The following POMT2 variants were observed in gnomAD, a reference collection of about 807,000 sequenced individuals.
The protein encoded by POMT2 is protein O-mannosyltransferase 2, also known as protein O-mannosyl-transferase 2.
In POMT2, 75 loss-of-function variants were observed where a neutral mutation model predicts 100.0. That is an observed-to-expected ratio of 0.75 (90% CI 0.62 to 0.91). POMT2 has a LOEUF of 0.91. POMT2 is among the 40% of genes least tolerant of loss of function. The pLI is 0.00. For synonymous variants in POMT2, 378 were observed against 374.1 expected (o/e 1.01, Z -0.12); for missense variants, 940 against 955.1 (o/e 0.98, Z 0.21).
Position 77,279,809 on chromosome 14 carries a change from C to A in POMT2, c.1891+14G>T. 1 of 1,610,422 alleles carries A rather than the reference C, an allele frequency of 6.2e-7. No homozygotes were observed. The highest frequency in any genetic ancestry group is 8.5e-7 in the Non-Finnish European group (1 of 1,178,892). On this transcript the variant is annotated intron_variant, in intron 18 of 20. Transcript: ENST00000261534. ...GCCGCCAGGTCAGGGGAGGGAGAGCCCAGAGGACCTGACCTGCAACCTCCG... is the reference window on the plus strand; with the variant it reads ...GCCGCCAGGTCAGGGGAGGGAGAGCACAGAGGACCTGACCTGCAACCTCCG...
In POMT2 at chr14:77,302,966, T is replaced by TG. The variant is rs779299765; in HGVS notation, c.548-24dup. ...TGTCTGAAAAACATGAGCTCGCTGG[T>TG]GAAAAAGCGAGGTAAGAGAAGGGCC... is the stretch of plus-strand genomic sequence containing the variant. On this transcript the variant is annotated intron_variant, in intron 4 of 20. Transcript: ENST00000261534. 3 of 1,578,012 alleles carry TG rather than the reference T, an allele frequency of 1.9e-6. No individual in the cohort carries two copies. In the African/African-American group the frequency reaches 4.1e-5, roughly 21 times the overall value.
At chr14:77,318,949 T>C (rs1891725169) in intron 1 of POMT2, among the ~76,000 whole-genome samples, 1 of 152,168 alleles carries the variant, frequency 6.6e-6, no homozygotes, top group Admixed American at 6.5e-5. Flanking sequence ...TTGGCCAGGT[T>C]GGTCTCGAAC....
intron 1 of POMT2, chr14:77,312,618 C>A (rs1160988017): frequency 6.6e-6 from 1 of 151,706 alleles, no homozygotes; most frequent in Non-Finnish European, 1.5e-5. Flanking sequence ...CGCCACTGCA[C>A]TCCAGCCTAG....
chr14:77,292,973 C>A (rs369241234), intron 9 of POMT2, among the ~76,000 whole-genome samples: 5 of 152,088 alleles, frequency 3.3e-5, no homozygotes, highest in African/African-American at 1.2e-4. Flanking sequence ...GGTATCCCCC[C>A]GATGCATGAC....
chr14:77,314,024 T>C (rs1362708498), intron 1 of POMT2, among the ~76,000 whole-genome samples: 1 of 152,190 alleles, frequency 6.6e-6, no homozygotes, highest in Non-Finnish European at 1.5e-5. Flanking sequence ...TCCAGATTTT[T>C]ACTTCAAAAG....
intron 1 of POMT2, 76 bp from the exon 2 acceptor site, chr14:77,312,109 T>G (rs1891457453): frequency 5.1e-6 from 8 of 1,569,140 alleles, no homozygotes; most frequent in Non-Finnish European, 6.9e-6. Flanking sequence ...AAAGCATGGT[T>G]AAAATTAAAG....
At chr14:77,318,855 C>T (rs2139541699) in intron 1 of POMT2, among the ~76,000 whole-genome samples, 1 of 151,966 alleles carries the variant, frequency 6.6e-6, no homozygotes, top group Admixed American at 6.6e-5. Flanking sequence ...CCCACCTCAG[C>T]CTCCCGAGTA....
At chr14:77,280,530 C>T in intron 15 of POMT2, 67 bp from the exon 16 acceptor site, 1 of 1,610,952 alleles carries the variant, frequency 6.2e-7, no homozygotes, top group Non-Finnish European at 8.5e-7. Flanking sequence ...AATGTGGGGC[C>T]CAGGTTTTTC....
intron 17 of POMT2, 36 bp from the exon 18 acceptor site, chr14:77,279,964 G>C: frequency 6.2e-7 from 1 of 1,614,160 alleles, no homozygotes; most frequent in Non-Finnish European, 8.5e-7. Context: ...TGAGAACGCA[G>C]CCGCTCTCCA....
At chr14:77,295,123 T>C (rs754574083) in intron 9 of POMT2, among the ~76,000 whole-genome samples, 2 of 152,180 alleles carry the variant, frequency 1.3e-5, no homozygotes, top group Non-Finnish European at 2.9e-5. Flanking sequence ...CTCCCCAATA[T>C]GGCCCCACCA....
chr14:77,301,802 A>C (rs1891054647), intron 5 of POMT2, among the ~76,000 whole-genome samples: 2 of 152,200 alleles, frequency 1.3e-5, no homozygotes, highest in South Asian at 4.1e-4. Context: ...TACAGCTAGC[A>C]GGCAGTGGGG....
intron 2 of POMT2, chr14:77,306,663 C>A: frequency 2.1e-6 from 1 of 470,890 alleles, no homozygotes; most frequent in Non-Finnish European, 3.9e-6. Flanking sequence ...TGTATTATGG[C>A]CGAGGTCTAG....
chr14:77,298,259 G>A (rs553812686), intron 8 of POMT2, among the ~76,000 whole-genome samples: 6 of 152,208 alleles, frequency 3.9e-5, no homozygotes, highest in East Asian at 1.9e-4. Flanking sequence ...CGTACTTAAC[G>A]CTTCCAGCCA....
At chr14:77,296,940 C>G (rs949399839) in intron 8 of POMT2, among the ~76,000 whole-genome samples, 1 of 152,218 alleles carries the variant, frequency 6.6e-6, no homozygotes, top group Non-Finnish European at 1.5e-5. Context: ...GGAGGCCTGC[C>G]TGTGGCCCTG....
intron 1 of POMT2, chr14:77,312,306 T>C (rs1034798994): frequency 1.5e-5 from 5 of 342,606 alleles, no homozygotes; most frequent in Non-Finnish European, 2.7e-5. Context: ...ACTCTGTATC[T>C]TGAGTTTCTA....
intron 3 of POMT2, 138 bp downstream of exon 3, chr14:77,306,199 T>G: frequency 7.0e-7 from 1 of 1,437,294 alleles, no homozygotes; most frequent in Non-Finnish European, 9.5e-7. Context: ...GGGGAGGGTC[T>G]GATCATCCTC....
intron 19 of POMT2, 97 bp from the exon 20 acceptor site, chr14:77,278,605 C>T: frequency 6.7e-7 from 1 of 1,482,816 alleles, no homozygotes. Context: ...CAGAGAGTCA[C>T]TCCCAGCACT....
At position 77,277,036 on chromosome 14, in the gene POMT2, C is replaced by T. The variant is rs1001562062; in HGVS notation, c.*340G>A. On this transcript the variant is annotated 3_prime_UTR_variant, in exon 21 of 21. Coordinates refer to ENST00000261534, the MANE Select transcript of POMT2 (RefSeq NM_013382.7). ...TATGACACTCAGCTGTCCAGTTACA[C>T]GGTCTGTATTCCACAGGGATATGGA... The T allele has an allele frequency of 1.2e-5, 4 of 322,570 alleles. No homozygotes were observed. Among genetic ancestry groups the T allele is most frequent in the African/African-American group, 2.1e-5 (1 of 48,070 alleles). 20.0% of individuals were successfully genotyped at this position (322,570 alleles called of 1,614,324 possible).
intron 8 of POMT2, 60 bp downstream of exon 8, chr14:77,298,629 A>T (rs1890914232): frequency 6.3e-7 from 1 of 1,579,688 alleles, no homozygotes; most frequent in Non-Finnish European, 8.7e-7. Context: ...TGTCTTTTCC[A>T]ATTCAACTCC....
Sources: gnomAD v4.1 joint callset for allele counts (sites outside exome capture counted in the v4.1 genomes callset) on GRCh38, gnomAD v4.1.1 for gene constraint, MANE v1.5 for transcripts, NCBI Gene and HGNC (gene_info 2026-07-23, HGNC 2026-07-21) for gene names.